Variants in SASS6 observed in about 807,000 individuals in gnomAD.
The protein encoded by SASS6 is SAS-6 centriolar assembly protein, also known as spindle assembly abnormal protein 6 homolog.
In SASS6, 59 loss-of-function variants were observed where a neutral mutation model predicts 94.9. The ratio of observed to expected loss-of-function variants is 0.62; its 90% CI spans 0.50 to 0.77. SASS6 has a LOEUF of 0.77. Among genes scored for constraint, SASS6 ranks in the 30% least tolerant of loss-of-function variants. The probability of loss-of-function intolerance (pLI) is 0.00; values close to 1 mark genes in which losing one functional copy is unlikely to be tolerated. For synonymous variants in SASS6, 264 were observed against 270.0 expected, an observed-to-expected ratio of 0.98 and a Z score of 0.22; for missense variants, 698 against 734.1, an observed-to-expected ratio of 0.95 and a Z score of 0.57.
chr1:100,124,924 G>A (rs961251769), intron 2 of SASS6, among the ~76,000 whole-genome samples: 128 of 152,110 alleles, frequency 8.4e-4, no homozygotes, highest in Non-Finnish European at 8.4e-4. Flanking sequence ...GATCTGACAG[G>A]AGGTGGATCG....
chr1:100,096,333 C>T (rs1344461489), intron 14 of SASS6, among the ~76,000 whole-genome samples: 1 of 152,084 alleles, frequency 6.6e-6, no homozygotes, highest in Non-Finnish European at 1.5e-5. Flanking sequence ...ATATTCAGAG[C>T]AGGGGGGAAA....
intron 3 of SASS6, among the ~76,000 whole-genome samples, 177 bp downstream of exon 3, chr1:100,123,033 A>T (rs1654319334): frequency 6.6e-6 from 1 of 152,246 alleles, no homozygotes. Context: ...CAGAATTCTA[A>T]TAACCCACAA....
chr1:100,129,152 G>A (rs1353271959), intron 1 of SASS6, among the ~76,000 whole-genome samples: 1 of 151,858 alleles, frequency 6.6e-6, no homozygotes, highest in Non-Finnish European at 1.5e-5. Flanking sequence ...AAGCAGGAGA[G>A]CTTAAGACCA....
In SASS6 at chr1:100,132,908, T is replaced by A; in HGVS notation, c.-94A>T. ...GGTCCGGGTCCTGATAAAGTTTGAG[T>A]TTGGCGCTCGGCTTCTGCGGAGGAG... On this transcript the variant is annotated 5_prime_UTR_variant, in exon 1 of 17. Coordinates refer to ENST00000287482, the MANE Select transcript of SASS6 (RefSeq NM_194292.3). The A allele has an allele frequency of 7.9e-7, 1 of 1,266,346 alleles. No homozygotes were observed. 78.4% of individuals were successfully genotyped at this position (1,266,346 alleles called of 1,614,324 possible).
intron 13 of SASS6, among the ~76,000 whole-genome samples, chr1:100,103,733 CA>C (rs1412469260): frequency 6.6e-6 from 1 of 152,166 alleles, no homozygotes; most frequent in Non-Finnish European, 1.5e-5. Context: ...CAGCCCCAGG[CA>C]CTTCTTTCTG....
intron 8 of SASS6, among the ~76,000 whole-genome samples, chr1:100,108,548 C>A (rs1331038771): frequency 2.0e-5 from 3 of 152,024 alleles, no homozygotes. Flanking sequence ...AAAAAATCTA[C>A]AATAGATCTC....
intron 8 of SASS6, among the ~76,000 whole-genome samples, chr1:100,109,965 G>GA (rs368207558): frequency 1.3e-5 from 2 of 151,152 alleles, no homozygotes; most frequent in East Asian, 1.9e-4. Flanking sequence ...GCAGGTTGAG[G>GA]AAAAAAAACC....
At chr1:100,130,393 C>T (rs563882915) in intron 1 of SASS6, among the ~76,000 whole-genome samples, 3 of 152,128 alleles carry the variant, frequency 2.0e-5, no homozygotes, top group African/African-American at 4.8e-5. Context: ...TCAACCAAGG[C>T]GTCTGGGCTG....
chr1:100,110,944 A>C (rs1420098955), intron 7 of SASS6, among the ~76,000 whole-genome samples: 2 of 151,986 alleles, frequency 1.3e-5, no homozygotes, highest in African/African-American at 4.8e-5. Context: ...AACACCTAAA[A>C]TTGTAAAACG....
At position 100,125,969 on chromosome 1, in the gene SASS6, C is replaced by A. The variant is rs758773156; in HGVS notation, c.66-27G>T. The A allele has an allele frequency of 4.1e-6, 5 of 1,210,172 alleles. No individual in the cohort carries two copies. The East Asian group carries it at 1.2e-4, about 30-fold the overall frequency. The allele number at this position is 1,210,172 out of a possible 1,614,324, so 75.0% of individuals were successfully genotyped here. A position where few individuals can be genotyped will look rare whatever the true frequency, so the allele number is the denominator to read the frequency against. On this transcript the variant is annotated intron_variant, in intron 1 of 16. Transcript: ENST00000287482. The stretch of plus-strand genomic sequence containing the variant: ...TGTAGGAAAAGACATACCCAACCAT[C>A]AGAAACATTCACACGAAATGAGTTA...
chr1:100,102,351 G>A (rs17121872), intron 14 of SASS6, among the ~76,000 whole-genome samples: 7,397 of 150,980 alleles, frequency 0.049, 208 homozygotes, highest in African/African-American at 0.069. Flanking sequence ...AGGCCTGAGA[G>A]CGTAGGAGAC....
chr1:100,123,612 T>C (rs184741979), intron 2 of SASS6, among the ~76,000 whole-genome samples: 6 of 152,296 alleles, frequency 3.9e-5, no homozygotes, highest in African/African-American at 1.4e-4. Context: ...ATGATGAAAA[T>C]TTTCTTTACC....
chr1:100,111,115 T>G (rs17452162), intron 7 of SASS6, among the ~76,000 whole-genome samples: 4,665 of 152,056 alleles, frequency 0.031, 105 homozygotes, highest in South Asian at 0.054. Flanking sequence ...AAATATCTTT[T>G]GAAAATAAAG....
rs1295645716 is a variant in SASS6, at chr1:100,121,044, C to T, written c.483+334G>A. 3.6e-5 allele frequency among the ~76,000 whole-genome samples: 5 copies of T among 137,182 alleles called. No individual in the cohort carries two copies. In the South Asian group the frequency reaches 9.4e-4, roughly 26 times the overall value. The allele number at this position is 137,182 out of a possible 152,430, so 90.0% of individuals were successfully genotyped here. On this transcript the variant is annotated intron_variant, in intron 5 of 16. Coordinates refer to ENST00000287482, the MANE Select transcript of SASS6 (RefSeq NM_194292.3). ...CAGCCTGGGCGACAGAGCGAGACTCCGTCTCAAAAAAAAAAAAAAAAAAAA... is the reference window on the plus strand; with the variant it reads ...CAGCCTGGGCGACAGAGCGAGACTCTGTCTCAAAAAAAAAAAAAAAAAAAA...
intron 2 of SASS6, among the ~76,000 whole-genome samples, chr1:100,124,124 T>C (rs1398917315): frequency 6.6e-6 from 1 of 152,210 alleles, no homozygotes; most frequent in Admixed American, 6.5e-5. Context: ...AAACCACTTA[T>C]GCACCAAGCT....
chr1:100,083,785 T>C lies in SASS6; in HGVS notation c.*1543A>G, dbSNP rs1013436336. On this transcript the variant is annotated 3_prime_UTR_variant, in exon 17 of 17. Coordinates refer to ENST00000287482, the MANE Select transcript of SASS6 (RefSeq NM_194292.3). The stretch of plus-strand genomic sequence containing the variant: ...ATGATCTCTCCTGAAAATTCAACTT[T>C]CCTTGTGTATATATATGCAAAGAGA... 2 of 151,984 alleles carry C rather than the reference T, an allele frequency of 1.3e-5. No individual in the cohort carries two copies. The highest frequency in any genetic ancestry group is 2.9e-5 in the Non-Finnish European group (2 of 67,908). The allele number at this position is 151,984 out of a possible 1,614,324, so 9.4% of individuals were successfully genotyped here. A position where few individuals can be genotyped will look rare whatever the true frequency, so the allele number is the denominator to read the frequency against.
intron 14 of SASS6, among the ~76,000 whole-genome samples, chr1:100,089,590 G>A (rs948996915): frequency 9.9e-5 from 15 of 151,872 alleles, no homozygotes; most frequent in Admixed American, 5.9e-4. Context: ...AGGCAACAAC[G>A]GAATAACATC....
At position 100,105,944 on chromosome 1, in the gene SASS6, T is replaced by C. The variant is rs759869351; in HGVS notation, c.1409-41A>G. The C allele has an allele frequency of 7.4e-6, 10 of 1,347,290 alleles. No homozygotes were observed. The East Asian group carries it at 2.2e-4, about 30-fold the overall frequency. 83.5% of individuals were successfully genotyped at this position (1,347,290 alleles called of 1,614,324 possible). A position where few individuals can be genotyped will look rare whatever the true frequency, so the allele number is the denominator to read the frequency against. On this transcript the variant is annotated intron_variant, in intron 12 of 16. Transcript: ENST00000287482. ...AAGAAGCAAGGTAAAGAATATTGACTGTTTATTTTTCTAATCATCTTAAAC... is the reference window on the plus strand; with the variant it reads ...AAGAAGCAAGGTAAAGAATATTGACCGTTTATTTTTCTAATCATCTTAAAC...
At chr1:100,089,926 CAA>C (rs1022155399) in intron 14 of SASS6, among the ~76,000 whole-genome samples, 9 of 149,276 alleles carry the variant, frequency 6.0e-5, no homozygotes, top group Non-Finnish European at 1.3e-4. Context: ...GAGCTTATAA[CAA>C]AGATACAAGT....
Sources: gnomAD v4.1 joint callset for allele counts (sites outside exome capture counted in the v4.1 genomes callset) on GRCh38, gnomAD v4.1.1 for gene constraint, MANE v1.5 for transcripts, NCBI Gene and HGNC (gene_info 2026-07-23, HGNC 2026-07-21) for gene names.